ADAMTS2: variants seen among roughly 807,000 people sequenced by gnomAD.
The protein encoded by ADAMTS2 is ADAM metallopeptidase with thrombospondin type 1 motif 2.
ADAMTS2 carries 50 observed loss-of-function variants against 123.0 expected under a neutral mutation model. The observed-to-expected ratio is 0.41, with a 90% confidence interval of 0.32 to 0.51. The LOEUF (loss-of-function observed/expected upper bound fraction) is 0.51, where lower values mean the gene tolerates loss of function less well. Among genes scored for constraint, ADAMTS2 ranks in the 20% least tolerant of loss-of-function variants. The pLI is 0.35. For synonymous variants in ADAMTS2, 678 were observed against 695.4 expected (o/e 0.98, Z 0.39); for missense variants, 1,494 against 1,705.2 (o/e 0.88, Z 2.18).
chr5:179,316,452 G>A (rs889072765), intron 2 of ADAMTS2, among the ~76,000 whole-genome samples: 2 of 152,144 alleles, frequency 1.3e-5, no homozygotes, highest in South Asian at 2.1e-4. Context: ...ATTGCATGTG[G>A]GCATCCCAGG....
chr5:179,290,898 G>A (rs912755139), intron 2 of ADAMTS2, among the ~76,000 whole-genome samples: 30 of 152,190 alleles, frequency 2.0e-4, no homozygotes, highest in Admixed American at 8.5e-4. Flanking sequence ...CCGTGTAGCC[G>A]GAGCAATGCT....
At chr5:179,235,952 G>A (rs1365432644) in intron 3 of ADAMTS2, among the ~76,000 whole-genome samples, 2 of 152,192 alleles carry the variant, frequency 1.3e-5, no homozygotes, top group Admixed American at 6.5e-5. Context: ...CACCTAGCCT[G>A]GTCCTGGTCC....
chr5:179,281,781 G>A (rs1766919133), intron 2 of ADAMTS2, among the ~76,000 whole-genome samples: 1 of 152,154 alleles, frequency 6.6e-6, no homozygotes, highest in Admixed American at 6.5e-5. Flanking sequence ...CAGTGTGTGA[G>A]GGTTCAATTT....
chr5:179,299,875 A>G (rs968548579), intron 2 of ADAMTS2, among the ~76,000 whole-genome samples: 2 of 151,902 alleles, frequency 1.3e-5, no homozygotes, highest in African/African-American at 4.8e-5. Flanking sequence ...CGGGCGGATC[A>G]CAAGGTCAGG....
At chr5:179,139,188 C>T (rs896672305) in intron 11 of ADAMTS2, among the ~76,000 whole-genome samples, 4 of 152,080 alleles carry the variant, frequency 2.6e-5, no homozygotes, top group African/African-American at 9.7e-5. Flanking sequence ...TGCCAGCCCC[C>T]CCGGGACACT....
At chr5:179,145,871 A>G (rs778419383) in intron 10 of ADAMTS2, among the ~76,000 whole-genome samples, 10 of 152,270 alleles carry the variant, frequency 6.6e-5, no homozygotes, top group Admixed American at 3.3e-4. Flanking sequence ...TTTATTTTTG[A>G]GACGAAGTTT....
At chr5:179,251,021 G>A (rs1425441709) in intron 3 of ADAMTS2, among the ~76,000 whole-genome samples, 2 of 152,240 alleles carry the variant, frequency 1.3e-5, no homozygotes, top group African/African-American at 4.8e-5. Context: ...CAAAGGCAAA[G>A]CCTCATGCAT....
intron 3 of ADAMTS2, among the ~76,000 whole-genome samples, chr5:179,250,402 G>A (rs562501842): frequency 3.3e-5 from 5 of 152,324 alleles, no homozygotes; most frequent in South Asian, 4.1e-4. Context: ...ATGATGGCTC[G>A]TGGGTACAGG....
intron 2 of ADAMTS2, among the ~76,000 whole-genome samples, chr5:179,283,945 GATTATTATTATTATT>G (rs756134923): frequency 6.6e-5 from 8 of 120,518 alleles, no homozygotes; most frequent in Non-Finnish European, 1.4e-4. Flanking sequence ...ATGGTCAGAT[GATTATTATTATTATT>G]ATTATTATTA....
At chr5:179,207,060 GAGA>G (rs1764716201) in intron 4 of ADAMTS2, among the ~76,000 whole-genome samples, 2 of 152,308 alleles carry the variant, frequency 1.3e-5, no homozygotes, top group African/African-American at 2.4e-5. Flanking sequence ...TGTTTGGAGC[GAGA>G]AGAAGGCAGG....
chr5:179,301,153 GA>G (rs60799579), intron 2 of ADAMTS2, among the ~76,000 whole-genome samples: 9,115 of 122,692 alleles, frequency 0.074, 579 homozygotes, highest in African/African-American at 0.19. Flanking sequence ...TGTCCCCCAG[GA>G]AAAAAAAAAA....
At chr5:179,243,529 A>G (rs1226445800) in intron 3 of ADAMTS2, among the ~76,000 whole-genome samples, 1 of 152,244 alleles carries the variant, frequency 6.6e-6, no homozygotes, top group Non-Finnish European at 1.5e-5. Context: ...TAACCAAATC[A>G]GGAAACAAAT....
intron 2 of ADAMTS2, among the ~76,000 whole-genome samples, chr5:179,305,744 AAGAG>A (rs1756649734): frequency 6.6e-6 from 1 of 152,328 alleles, no homozygotes; most frequent in East Asian, 1.9e-4. Context: ...GAGACTGAAG[AAGAG>A]AAACAGAAAA....
intron 10 of ADAMTS2, among the ~76,000 whole-genome samples, chr5:179,145,509 ATT>A (rs1272311163): frequency 6.6e-6 from 1 of 152,242 alleles, no homozygotes; most frequent in East Asian, 1.9e-4. Flanking sequence ...CACACAGTGG[ATT>A]AGTATTCAGC....
chr5:179,196,619 T>C (rs1764438746), intron 4 of ADAMTS2, among the ~76,000 whole-genome samples: 1 of 152,260 alleles, frequency 6.6e-6, no homozygotes, highest in Non-Finnish European at 1.5e-5. Flanking sequence ...AGCAGCCCAC[T>C]GTGCTCAGTA....
chr5:179,122,894 G>T, intron 19 of ADAMTS2, 121 bp from the exon 20 acceptor site: 1 of 1,447,240 alleles, frequency 6.9e-7, no homozygotes, highest in Non-Finnish European at 9.4e-7. Context: ...GTGTGGGACA[G>T]TGGGGAGAGT....
chr5:179,238,497 C>A (rs895480972), intron 3 of ADAMTS2, among the ~76,000 whole-genome samples: 3 of 151,908 alleles, frequency 2.0e-5, no homozygotes, highest in African/African-American at 7.3e-5. Context: ...GCAGGTGGTG[C>A]GGGGGGAGCT....
intron 4 of ADAMTS2, among the ~76,000 whole-genome samples, chr5:179,182,326 G>A (rs1047467567): frequency 6.6e-5 from 10 of 152,146 alleles, no homozygotes; most frequent in African/African-American, 1.7e-4. Flanking sequence ...TGTGCAGACC[G>A]AGCCCAGGGG....
chr5:179,195,512 G>A lies in ADAMTS2; in HGVS notation c.891+12001C>T, dbSNP rs548986654. Among the ~76,000 whole-genome samples, 5 of 152,358 alleles carry A rather than the reference G, an allele frequency of 3.3e-5. No individual in the cohort carries two copies. In the South Asian group the frequency reaches 1.0e-3, roughly 32 times the overall value. ...ATTTCCCAAAAAAAGTAGATTTCCAGCTTCTCATGGAAGAGCGAGCTGGCA... is the reference window on the plus strand; with the variant it reads ...ATTTCCCAAAAAAAGTAGATTTCCAACTTCTCATGGAAGAGCGAGCTGGCA... On this transcript the variant is annotated intron_variant, in intron 4 of 21. Transcript: ENST00000251582.
Sources: gnomAD v4.1 joint callset for allele counts (sites outside exome capture counted in the v4.1 genomes callset) on GRCh38, gnomAD v4.1.1 for gene constraint, MANE v1.5 for transcripts, NCBI Gene and HGNC (gene_info 2026-07-23, HGNC 2026-07-21) for gene names.